The following VGLL4 variants were observed in gnomAD, a reference collection of about 807,000 sequenced individuals.
The protein encoded by VGLL4 is transcription cofactor vestigial-like protein 4.
A neutral mutation model predicts 21.0 loss-of-function variants in VGLL4; 7 were observed. The ratio of observed to expected loss-of-function variants is 0.33; its 90% CI spans 0.19 to 0.63. The LOEUF is 0.63. Among genes scored for constraint, VGLL4 ranks in the 20% least tolerant of loss-of-function variants. VGLL4 has a pLI of 0.78. For missense variants in VGLL4, 394 were observed against 425.7 expected (o/e 0.93, Z 0.66); for synonymous variants, 222 against 173.2 (o/e 1.28, Z -2.21).
intron 2 of VGLL4, among the ~76,000 whole-genome samples, chr3:11,689,900 G>A (rs1575533764): frequency 1.3e-5 from 2 of 152,194 alleles, no homozygotes; most frequent in African/African-American, 4.8e-5. Flanking sequence ...GGCGAAGGAC[G>A]TTCACAGATA....
intron 2 of VGLL4, among the ~76,000 whole-genome samples, chr3:11,656,442 G>C (rs188392064): frequency 7.2e-5 from 11 of 152,248 alleles, no homozygotes; most frequent in Admixed American, 6.5e-4. Flanking sequence ...GTGTTGGCAG[G>C]GCCTTTAGGC....
At chr3:11,600,479 G>T (rs1290819014) in intron 2 of VGLL4, among the ~76,000 whole-genome samples, 2 of 152,222 alleles carry the variant, frequency 1.3e-5, no homozygotes, top group African/African-American at 4.8e-5. Flanking sequence ...TGAGCACCCA[G>T]GAGTTAAGCT....
chr3:11,570,839 C>G (rs917912501), intron 2 of VGLL4, among the ~76,000 whole-genome samples: 15 of 152,198 alleles, frequency 9.9e-5, no homozygotes, highest in African/African-American at 3.4e-4. Context: ...AAGCACCCCA[C>G]AACACACACA....
At chr3:11,705,236 C>G (rs1030275473) in intron 1 of VGLL4, among the ~76,000 whole-genome samples, 1 of 152,176 alleles carries the variant, frequency 6.6e-6, no homozygotes, top group Non-Finnish European at 1.5e-5. Context: ...AGATAGAGCT[C>G]GGGAAGCTGA....
chr3:11,620,161 T>G (rs1277096736), intron 1 of VGLL4, among the ~76,000 whole-genome samples: 1 of 152,218 alleles, frequency 6.6e-6, no homozygotes, highest in Non-Finnish European at 1.5e-5. Context: ...GCACTATCAT[T>G]AGTTTCATTT....
intron 2 of VGLL4, among the ~76,000 whole-genome samples, chr3:11,699,355 G>C (rs1046668935): frequency 6.6e-5 from 10 of 152,194 alleles, no homozygotes; most frequent in African/African-American, 2.4e-4. Context: ...ACAAGAGTAA[G>C]AAAGGTTTCC....
intron 2 of VGLL4, among the ~76,000 whole-genome samples, chr3:11,593,940 A>T (rs1182806114): frequency 6.6e-6 from 1 of 152,202 alleles, no homozygotes; most frequent in African/African-American, 2.4e-5. Context: ...CATGGCTTTG[A>T]TCCCAGTGTG....
At chr3:11,646,233 T>C (rs1232045649), upstream of VGLL4, among the ~76,000 whole-genome samples, 2 of 152,174 alleles carry the variant, frequency 1.3e-5, no homozygotes, top group Non-Finnish European at 2.9e-5. Context: ...AACTCAAAAC[T>C]CGTAACATCC....
intron 2 of VGLL4, among the ~76,000 whole-genome samples, chr3:11,596,876 A>T (rs2074658414): frequency 6.6e-6 from 1 of 152,226 alleles, no homozygotes; most frequent in South Asian, 2.1e-4. Context: ...AATCCATAGT[A>T]ACGATAACAC....
chr3:11,644,582 G>A (rs909224807), upstream of VGLL4, among the ~76,000 whole-genome samples: 6 of 152,100 alleles, frequency 3.9e-5, no homozygotes, highest in Non-Finnish European at 8.8e-5. Context: ...AGGGGGCCGG[G>A]TGTAGTGGCT....
At chr3:11,718,828 G>A (rs1032947772) in intron 1 of VGLL4, among the ~76,000 whole-genome samples, 1 of 152,060 alleles carries the variant, frequency 6.6e-6, no homozygotes, top group African/African-American at 2.4e-5. Flanking sequence ...TAATCACAGA[G>A]AAGGGACTAC....
chr3:11,672,413 A>G (rs2125369515), intron 2 of VGLL4, among the ~76,000 whole-genome samples: 1 of 152,276 alleles, frequency 6.6e-6, no homozygotes, highest in South Asian at 2.1e-4. Flanking sequence ...CTACTATTCT[A>G]GTATTTTCTT....
At chr3:11,583,010 A>C (rs538722506) in intron 2 of VGLL4, among the ~76,000 whole-genome samples, 51 of 152,368 alleles carry the variant, frequency 3.3e-4, no homozygotes, top group South Asian at 1.5e-3. Context: ...GGGTGCAAGA[A>C]GTTGCTAAGT....
rs2072612731 is a variant in VGLL4 at position 11,558,158 on chromosome 3, A to C, written c.*398T>G. 4.0e-6 allele frequency: 1 copy of C among 250,462 alleles called. No individual in the cohort carries two copies. The highest frequency in any genetic ancestry group is 7.1e-5 in the South Asian group (1 of 13,992). 15.5% of individuals were successfully genotyped at this position (250,462 alleles called of 1,614,324 possible). On this transcript the variant is annotated 3_prime_UTR_variant, in exon 5 of 5. Coordinates refer to ENST00000430365, the MANE Select transcript of VGLL4 (RefSeq NM_001128219.3). ...AAACACGCCGTGGAAGCTGAGCCAC[A>C]CACACCCCGGTCTCAAGAAGCAAAG...
intron 2 of VGLL4, among the ~76,000 whole-genome samples, 181 bp downstream of exon 2, chr3:11,601,652 A>G (rs753805143): frequency 4.3e-4 from 65 of 152,242 alleles, no homozygotes; most frequent in Non-Finnish European, 8.4e-4. Context: ...CCTCACCGCG[A>G]GTTATCAAAA....
At chr3:11,581,526 C>G (rs929383811) in intron 2 of VGLL4, among the ~76,000 whole-genome samples, 3 of 152,144 alleles carry the variant, frequency 2.0e-5, no homozygotes, top group Admixed American at 2.0e-4. Context: ...TCATTCGGAA[C>G]AAGGAGGGGA....
At chr3:11,659,031 A>G (rs1211166321) in intron 2 of VGLL4, among the ~76,000 whole-genome samples, 1 of 152,074 alleles carries the variant, frequency 6.6e-6, no homozygotes, top group Non-Finnish European at 1.5e-5. Flanking sequence ...TAGAAGTTAA[A>G]CCCAATATAT....
chr3:11,568,977 A>G lies in VGLL4; in HGVS notation c.273-3958T>C. ...AGATGGAAAGAGGAGGGAGGGAAAG[A>G]GAGGCCTACAACACCATCATCCAGG... On this transcript the variant is annotated intron_variant, in intron 2 of 4. Coordinates refer to ENST00000430365, the MANE Select transcript of VGLL4 (RefSeq NM_001128219.3). The surrounding 1 kb of genome is among the most constrained non-coding windows in gnomAD (Gnocchi z 5.9). 1 of 1,156,042 alleles carries G rather than the reference A, an allele frequency of 8.7e-7. No individual in the cohort carries two copies. Among genetic ancestry groups the G allele is most frequent in the Non-Finnish European group, 1.1e-6 (1 of 929,664 alleles). The allele number at this position is 1,156,042 out of a possible 1,614,324, so 71.6% of individuals were successfully genotyped here.
At chr3:11,589,290 G>A (rs534060162) in intron 2 of VGLL4, among the ~76,000 whole-genome samples, 1 of 152,098 alleles carries the variant, frequency 6.6e-6, no homozygotes, top group Non-Finnish European at 1.5e-5. Context: ...GGCGGGGAGA[G>A]GTAGGGATGG....
Sources: gnomAD v4.1 joint callset for allele counts (sites outside exome capture counted in the v4.1 genomes callset) on GRCh38, gnomAD v4.1.1 for gene constraint, Gnocchi (gnomAD v3.1) non-coding constraint, MANE v1.5 for transcripts, NCBI Gene and HGNC (gene_info 2026-07-23, HGNC 2026-07-21) for gene names.